The following LAMA3 variants were observed in gnomAD, a reference collection of about 807,000 sequenced individuals.
LAMA3 encodes laminin subunit alpha 3.
In LAMA3, 281 loss-of-function variants were observed where a neutral mutation model predicts 402.0. That is an observed-to-expected ratio of 0.70 (90% CI 0.63 to 0.77). LAMA3 has a LOEUF of 0.77. Among genes scored for constraint, LAMA3 ranks in the 30% least tolerant of loss-of-function variants. LAMA3 has a pLI of 0.00. For synonymous variants in LAMA3, 1,431 were observed against 1,558.4 expected (o/e 0.92, Z 1.93); for missense variants, 3,840 against 4,215.5 (o/e 0.91, Z 2.47).
chr18:23,759,509 C>T (rs1395008562), intron 7 of LAMA3, among the ~76,000 whole-genome samples: 1 of 152,136 alleles, frequency 6.6e-6, no homozygotes, highest in East Asian at 1.9e-4. Context: ...GGTTCTCCTG[C>T]CTCAGCCTCT....
At chr18:23,919,298 G>A (rs1393658593) in intron 60 of LAMA3, among the ~76,000 whole-genome samples, 1 of 152,106 alleles carries the variant, frequency 6.6e-6, no homozygotes, top group East Asian at 1.9e-4. Flanking sequence ...TATCATTAAG[G>A]AACTGTGTAA....
At chr18:23,895,132 G>A (rs2080836621) in intron 44 of LAMA3, 74 bp downstream of exon 44, 2 of 1,507,390 alleles carry the variant, frequency 1.3e-6, no homozygotes, top group African/African-American at 1.4e-5. Context: ...TAAGCAGGAA[G>A]GGAAAGGTTG....
Position 23,839,872 on chromosome 18 carries a change from C to T in LAMA3, c.3279C>T (p.Pro1093=), listed in dbSNP as rs774235779. The T allele has an allele frequency of 8.1e-6, 13 of 1,614,060 alleles. No individual in the cohort carries two copies. In the East Asian group the frequency reaches 1.6e-4, roughly 19 times the overall value. The change falls in exon 27 of 75, where the codon CCC becomes CCT. Residue 1093 remains proline, a synonymous_variant. Coordinates refer to ENST00000313654, the MANE Select transcript of LAMA3 (RefSeq NM_198129.4). The surrounding 1 kb of genome is among the most constrained non-coding windows in gnomAD (Gnocchi z 4.5). ...VLSGRPFPHL[P]QQSSPSVDVL... ...GTGGCAGGCCTTTCCCTCACCTGCC[C>T]CAGCAGTCGTCACCTTCTGTTGATG...
At chr18:23,832,114 A>G (rs1424987980) in intron 23 of LAMA3, among the ~76,000 whole-genome samples, 1 of 152,210 alleles carries the variant, frequency 6.6e-6, no homozygotes, top group Non-Finnish European at 1.5e-5. Context: ...TGGAAAGAGT[A>G]GTAGAAATTT....
chr18:23,754,779 T>C (rs2061814216), intron 6 of LAMA3, among the ~76,000 whole-genome samples: 1 of 152,240 alleles, frequency 6.6e-6, no homozygotes, highest in East Asian at 1.9e-4. Flanking sequence ...AATTACCGGA[T>C]GCCAGATATA....
intron 1 of LAMA3, among the ~76,000 whole-genome samples, chr18:23,703,500 C>T (rs1349117978): frequency 6.6e-6 from 1 of 152,126 alleles, no homozygotes; most frequent in African/African-American, 2.4e-5. Context: ...ATTCAAAGGA[C>T]TCCCCCACCT....
chr18:23,944,092 G>A lies in LAMA3; in HGVS notation c.9210+121G>A, dbSNP rs2082622960. 1.5e-5 allele frequency: 14 copies of A among 935,792 alleles called. No homozygotes were observed. In the Admixed American group the frequency reaches 2.4e-4, roughly 16 times the overall value. The allele number at this position is 935,792 out of a possible 1,614,324, so 58.0% of individuals were successfully genotyped here. On this transcript the variant is annotated intron_variant, in intron 69 of 74. Coordinates refer to ENST00000313654, the MANE Select transcript of LAMA3 (RefSeq NM_198129.4). ...GGGCGTGGAGTGGGAGAGCTTGTGT[G>A]CTTGCAGGCGCTGCGTTCCCAGCAT...
chr18:23,928,839 A>T, intron 64 of LAMA3, 74 bp downstream of exon 64: 1 of 1,377,156 alleles, frequency 7.3e-7, no homozygotes, highest in Non-Finnish European at 1.0e-6. Context: ...CAACAGAGAG[A>T]TTTAGAAAGT....
intron 67 of LAMA3, among the ~76,000 whole-genome samples, chr18:23,937,128 G>T (rs2082334036): frequency 6.6e-6 from 1 of 152,216 alleles, no homozygotes; most frequent in South Asian, 2.1e-4. Context: ...CACTTTGGGA[G>T]GCCAAGGCAG....
At chr18:23,714,381 G>A (rs74818885) in intron 2 of LAMA3, among the ~76,000 whole-genome samples, 8,140 of 152,096 alleles carry the variant, frequency 0.054, 573 homozygotes, top group African/African-American at 0.16. Context: ...TTAGCCGGGT[G>A]TGGTGGCGGA....
At position 23,803,584 on chromosome 18, in the gene LAMA3, C is replaced by T. The variant is rs530640939; in HGVS notation, c.1604-6782C>T. Among the ~76,000 whole-genome samples the T allele has an allele frequency of 9.8e-5, 15 of 152,318 alleles. No homozygotes were observed. The South Asian group carries it at 3.1e-3, about 32-fold the overall frequency. On this transcript the variant is annotated intron_variant, in intron 12 of 74. Coordinates refer to ENST00000313654, the MANE Select transcript of LAMA3 (RefSeq NM_198129.4). ...CACCAATTTTCCAATCATGTTCCTTCAAAGTCCCTGGCCATCCAGTCAAAG... is the reference window on the plus strand; with the variant it reads ...CACCAATTTTCCAATCATGTTCCTTTAAAGTCCCTGGCCATCCAGTCAAAG...
intron 7 of LAMA3, among the ~76,000 whole-genome samples, chr18:23,759,702 C>A (rs1568154470): frequency 1.3e-5 from 2 of 152,142 alleles, no homozygotes; most frequent in Non-Finnish European, 2.9e-5. Context: ...TACTTTTTGA[C>A]CAAATATTTT....
rs1181482312 is a variant in LAMA3 at position 23,949,771 on chromosome 18, C to G, written c.9358C>G (p.Pro3120Ala). 1.2e-6 allele frequency: 2 copies of G among 1,613,936 alleles called. No individual in the cohort carries two copies. The highest frequency in any genetic ancestry group is 2.2e-5 in the South Asian group (2 of 91,074). Residue 3120 changes from proline to alanine, a missense_variant, in exon 71 of 75, where the codon CCC becomes GCC. Pro to Ala is a conservative substitution (Grantham distance 27). This residue lies in a region of LAMA3 where 840 missense variants were observed against 981.9 expected (regional missense o/e 0.86). Transcript: ENST00000313654. Reference protein sequence around the residue: ...SPPSGKPKSLPTNSFVGCLKN... With the variant: ...SPPSGKPKSLATNSFVGCLKN... ...CTTTTCTGCTTGGTTGCAGAGCCTC[C>G]CCACAAACAGCTTTGTGGGATGCCT...
chr18:23,818,023 C>T lies in LAMA3; in HGVS notation c.2147+1536C>T, dbSNP rs780259595. On this transcript the variant is annotated intron_variant, in intron 18 of 74. Coordinates refer to ENST00000313654, the MANE Select transcript of LAMA3 (RefSeq NM_198129.4). The stretch of plus-strand genomic sequence containing the variant: ...ACAAAAAATTAGCCAGGCATGGTGG[C>T]GCACACCTGTAATCCCAGCTACTCT... 2.4e-4 allele frequency among the ~76,000 whole-genome samples: 36 copies of T among 152,166 alleles called. 1 individual carries two copies. The Middle Eastern group carries it at 0.01, about 43-fold the overall frequency.
At chr18:23,885,257 T>A (rs926299413) in intron 41 of LAMA3, among the ~76,000 whole-genome samples, 7 of 151,512 alleles carry the variant, frequency 4.6e-5, no homozygotes, top group African/African-American at 1.7e-4. Context: ...CCTACTTACC[T>A]GTACACATGT....
Position 23,836,894 on chromosome 18 carries a change from C to A in LAMA3, c.2985-87C>A, listed in dbSNP as rs2144548540. The A allele has an allele frequency of 4.4e-6, 4 of 916,102 alleles. No individual in the cohort carries two copies. The East Asian group carries it at 7.3e-5, about 17-fold the overall frequency. The allele number at this position is 916,102 out of a possible 1,614,324, so 56.7% of individuals were successfully genotyped here. The stretch of plus-strand genomic sequence containing the variant: ...TCATTCAGTTATAAACAGGTGAAAC[C>A]AAAGAGCCATCAGCCAACCCAGAAG... On this transcript the variant is annotated intron_variant, in intron 24 of 74. Coordinates refer to ENST00000313654, the MANE Select transcript of LAMA3 (RefSeq NM_198129.4).
chr18:23,931,467 G>A (rs1222577365), intron 65 of LAMA3: 3 of 396,940 alleles, frequency 7.6e-6, no homozygotes, highest in Non-Finnish European at 9.1e-6. Context: ...GACCAGTCTT[G>A]GAAACACAGT....
chr18:23,875,336 A>T (rs1449809723), intron 38 of LAMA3, among the ~76,000 whole-genome samples: 2 of 152,236 alleles, frequency 1.3e-5, no homozygotes, highest in African/African-American at 2.4e-5. Flanking sequence ...ATATTAGTTC[A>T]TGAAAAGAAA....
intron 11 of LAMA3, among the ~76,000 whole-genome samples, chr18:23,778,474 A>G (rs567445388): frequency 3.4e-4 from 52 of 152,268 alleles, no homozygotes; most frequent in Non-Finnish European, 6.5e-4. Context: ...TTTAAGGGGG[A>G]GCCATTCACA....
Sources: allele counts gnomAD v4.1 joint callset (sites outside exome capture counted in the v4.1 genomes callset), GRCh38; gene constraint gnomAD v4.1.1; regional missense constraint gnomAD v4.1.1; non-coding constraint Gnocchi (gnomAD v3.1); transcripts MANE v1.5; gene names NCBI Gene and HGNC (gene_info 2026-07-23, HGNC 2026-07-21).